The following CYRIA variants were observed in gnomAD, a reference collection of about 807,000 sequenced individuals.
The protein encoded by CYRIA is CYFIP related Rac1 interactor A, also known as CYFIP-related Rac1 interactor A.
In CYRIA, 15 loss-of-function variants were observed where a neutral mutation model predicts 43.9. That is an observed-to-expected ratio of 0.34 (90% CI 0.23 to 0.53). The LOEUF is 0.53. CYRIA is among the 20% of genes least tolerant of loss of function. The probability of loss-of-function intolerance (pLI) is 0.94; values close to 1 mark genes in which losing one functional copy is unlikely to be tolerated. For missense variants in CYRIA, 236 were observed against 394.2 expected (o/e 0.60, Z 3.40); for synonymous variants, 117 against 136.0 (o/e 0.86, Z 0.97).
intron 1 of CYRIA, among the ~76,000 whole-genome samples, chr2:16,649,146 A>C (rs1669898091): frequency 6.6e-6 from 1 of 152,254 alleles, no homozygotes; most frequent in Non-Finnish European, 1.5e-5. Flanking sequence ...CTATTCACTT[A>C]GCATTTACAT....
At chr2:16,599,484 G>T in intron 2 of CYRIA, among the ~76,000 whole-genome samples, 1 of 94,734 alleles carries the variant, frequency 1.1e-5, no homozygotes, top group Non-Finnish European at 2.0e-5. Flanking sequence ...GGGTGGGAGT[G>T]ACCCGGTTTT....
chr2:16,647,084 C>T (rs949490948), intron 1 of CYRIA, among the ~76,000 whole-genome samples: 5 of 152,240 alleles, frequency 3.3e-5, no homozygotes, highest in Middle Eastern at 3.4e-3. Context: ...TATCCGTATC[C>T]GTATCTATCT....
chr2:16,644,242 T>C (rs1329047624), intron 1 of CYRIA, among the ~76,000 whole-genome samples: 1 of 152,172 alleles, frequency 6.6e-6, no homozygotes, highest in Non-Finnish European at 1.5e-5. Flanking sequence ...AATGCAAAGT[T>C]AGAATTGAAT....
intron 2 of CYRIA, among the ~76,000 whole-genome samples, chr2:16,622,332 G>C (rs764832089): frequency 3.9e-5 from 6 of 152,172 alleles, no homozygotes; most frequent in Non-Finnish European, 8.8e-5. Context: ...GCTAAAGTCC[G>C]GGTGAGAAAA....
At chr2:16,558,236 C>T (rs1486457131) in intron 10 of CYRIA, among the ~76,000 whole-genome samples, 1 of 152,004 alleles carries the variant, frequency 6.6e-6, no homozygotes, top group Non-Finnish European at 1.5e-5. Context: ...TATTTATTTT[C>T]TTGGTACATA....
chr2:16,571,225 G>T (rs1454991564), intron 3 of CYRIA, among the ~76,000 whole-genome samples: 4 of 152,232 alleles, frequency 2.6e-5, no homozygotes, highest in Non-Finnish European at 4.4e-5. Flanking sequence ...AACAGGATTA[G>T]TTTTGTTTGC....
intron 2 of CYRIA, among the ~76,000 whole-genome samples, chr2:16,592,594 A>T (rs989956816): frequency 6.6e-6 from 1 of 152,166 alleles, no homozygotes; most frequent in South Asian, 2.1e-4. Context: ...TTTCCCATGC[A>T]TCGTAAGCTG....
intron 2 of CYRIA, among the ~76,000 whole-genome samples, chr2:16,617,111 A>T (rs1445303429): frequency 6.6e-6 from 1 of 152,248 alleles, no homozygotes; most frequent in Non-Finnish European, 1.5e-5. Flanking sequence ...AACTGAAGAC[A>T]GTTGATAGAT....
rs1666737627 is a variant in CYRIA, at chr2:16,561,642, T to G, written c.436-109A>C. ...TTATAAATACTCCAGGACTTCTCTT[T>G]GTTACATAAGAGTCAAAGCAACTTC... On this transcript the variant is annotated intron_variant, in intron 6 of 11. Transcript: ENST00000381323. 5 of 844,136 alleles carry G rather than the reference T, an allele frequency of 5.9e-6. No individual in the cohort carries two copies. The South Asian group carries it at 6.3e-5, about 11-fold the overall frequency. The allele number at this position is 844,136 out of a possible 1,614,324, so 52.3% of individuals were successfully genotyped here.
chr2:16,584,729 C>T (rs180820562), intron 3 of CYRIA, among the ~76,000 whole-genome samples: 2 of 152,130 alleles, frequency 1.3e-5, no homozygotes, highest in African/African-American at 2.4e-5. Context: ...TTCAAACATG[C>T]CCTTCCTATT....
At chr2:16,562,188 G>C in intron 5 of CYRIA, 47 bp from the exon 6 acceptor site, 1 of 1,572,738 alleles carries the variant, frequency 6.4e-7, no homozygotes, top group Non-Finnish European at 8.6e-7. Flanking sequence ...GGCCCACAGA[G>C]GTCCTTCAAA....
chr2:16,582,382 C>A (rs2103448513), intron 3 of CYRIA, among the ~76,000 whole-genome samples: 1 of 152,198 alleles, frequency 6.6e-6, no homozygotes, highest in Admixed American at 6.5e-5. Flanking sequence ...ATACGATTTG[C>A]CCATTTAAAG....
At chr2:16,637,127 G>A (rs1420771821) in intron 1 of CYRIA, among the ~76,000 whole-genome samples, 1 of 139,008 alleles carries the variant, frequency 7.2e-6, no homozygotes, top group African/African-American at 3.1e-5. Context: ...TGCCCAGGCT[G>A]AGTGAGATAA....
Position 16,552,213 on chromosome 2 carries a change from C to T in CYRIA, c.*723G>A, listed in dbSNP as rs1666338171. The T allele has an allele frequency of 6.6e-6, 1 of 152,096 alleles. No homozygotes were observed. Among genetic ancestry groups the T allele is most frequent in the African/African-American group, 2.4e-5 (1 of 41,418 alleles). 9.4% of individuals were successfully genotyped at this position (152,096 alleles called of 1,614,324 possible). ...CCTGAGTGCACCTCTGAGGACCTGT[C>T]TCCCAGTTCCAAGACAGCCACCTTC... On this transcript the variant is annotated 3_prime_UTR_variant, in exon 12 of 12. Transcript: ENST00000381323.
intron 1 of CYRIA, among the ~76,000 whole-genome samples, chr2:16,634,020 T>C (rs969580792): frequency 2.0e-5 from 3 of 152,124 alleles, no homozygotes; most frequent in Non-Finnish European, 4.4e-5. Flanking sequence ...CTTCCCAGGC[T>C]AACGTTGGAC....
rs766225557 is a variant in CYRIA, at chr2:16,588,141, A to G, written c.-10-12T>C. 9 of 1,569,664 alleles carry G rather than the reference A, an allele frequency of 5.7e-6. No individual in the cohort carries two copies. Among genetic ancestry groups the G allele is most frequent in the East Asian group, 2.2e-5 (1 of 44,490 alleles). ...CCATCCCAGCAAACCTAGGAAAGGCAACACAAAACCAAATACCATTAGCAA... is the reference window on the plus strand; with the variant it reads ...CCATCCCAGCAAACCTAGGAAAGGCGACACAAAACCAAATACCATTAGCAA... On this transcript the variant is annotated splice_polypyrimidine_tract_variant and intron_variant, in intron 2 of 11. Coordinates refer to ENST00000381323, the MANE Select transcript of CYRIA (RefSeq NM_030797.4).
intron 2 of CYRIA, among the ~76,000 whole-genome samples, chr2:16,605,554 T>A (rs919242536): frequency 3.9e-5 from 6 of 152,194 alleles, no homozygotes; most frequent in Admixed American, 3.9e-4. Flanking sequence ...AATGGAAAGG[T>A]ACCCCATGCA....
At chr2:16,586,474 C>A (rs1357552326) in intron 3 of CYRIA, among the ~76,000 whole-genome samples, 2 of 151,998 alleles carry the variant, frequency 1.3e-5, no homozygotes, top group Admixed American at 6.6e-5. Context: ...TCTAGCTAAA[C>A]CCCTTACCAA....
intron 3 of CYRIA, among the ~76,000 whole-genome samples, chr2:16,570,096 G>C (rs1667074604): frequency 6.6e-6 from 1 of 152,060 alleles, no homozygotes; most frequent in South Asian, 2.1e-4. Context: ...CTTGAAAGCA[G>C]TGTAGTAAGT....
Sources: gnomAD v4.1 joint callset for allele counts (sites outside exome capture counted in the v4.1 genomes callset) on GRCh38, gnomAD v4.1.1 for gene constraint, MANE v1.5 for transcripts, NCBI Gene and HGNC (gene_info 2026-07-23, HGNC 2026-07-21) for gene names.